MORC3: variants seen among roughly 807,000 people sequenced by gnomAD.
MORC3 encodes the protein MORC family CW-type zinc finger protein 3.
MORC3 carries 31 observed loss-of-function variants against 109.1 expected under a neutral mutation model. That is an observed-to-expected ratio of 0.28 (90% confidence interval 0.21 to 0.38). The LOEUF (loss-of-function observed/expected upper bound fraction) is 0.38. MORC3 is among the 10% of genes least tolerant of loss of function. The pLI is 1.00. For missense variants in MORC3, 867 were observed against 1,135.8 expected (o/e 0.76, Z 3.40); for synonymous variants, 395 against 380.7 (o/e 1.04, Z -0.44).
At position 36,350,805 on chromosome 21, in the gene MORC3, AT is replaced by A. The variant is rs549055439; in HGVS notation, c.1103+1400del. 1.6e-4 allele frequency among the ~76,000 whole-genome samples: 24 copies of A among 152,256 alleles called. No homozygotes were observed. The East Asian group carries it at 2.7e-3, about 17-fold the overall frequency. On this transcript the variant is annotated intron_variant, in intron 9 of 16. Coordinates refer to ENST00000400485, the MANE Select transcript of MORC3 (RefSeq NM_015358.3). ...AACTTCCCACATACTAAATTCAGAC[AT>A]TTAAGGAAGAAGTGGCATCAGTCTT...
At chr21:36,326,024 T>C (rs1392384433) in intron 1 of MORC3, among the ~76,000 whole-genome samples, 1 of 151,980 alleles carries the variant, frequency 6.6e-6, no homozygotes. Context: ...CTGGCCAACA[T>C]GGTGAAACCC....
rs2085382661 is a variant in MORC3, at chr21:36,337,098, G to C, written c.245+92G>C. 3 of 1,420,012 alleles carry C rather than the reference G, an allele frequency of 2.1e-6. No homozygotes were observed. The Admixed American group carries it at 6.1e-5, about 29-fold the overall frequency. The allele number at this position is 1,420,012 out of a possible 1,614,324, so 88.0% of individuals were successfully genotyped here. A position where few individuals can be genotyped will look rare whatever the true frequency, so the allele number is the denominator to read the frequency against. ...TTACTATTCTTGGTTTTTGTTTTTT[G>C]AAATGAAATGCTGTATGTACAGTGT... On this transcript the variant is annotated intron_variant, in intron 3 of 16. Transcript: ENST00000400485.
intron 1 of MORC3, among the ~76,000 whole-genome samples, chr21:36,326,565 A>G (rs1180182685): frequency 6.6e-6 from 1 of 152,164 alleles, no homozygotes; most frequent in Non-Finnish European, 1.5e-5. Context: ...TGCCTTATTT[A>G]TAAGTTGAAC....
intron 6 of MORC3, 72 bp from the exon 7 acceptor site, chr21:36,344,507 C>G: frequency 6.7e-7 from 1 of 1,489,728 alleles, no homozygotes; most frequent in Non-Finnish European, 9.1e-7. Flanking sequence ...AGGAGAGCTT[C>G]TGTGTAAATC....
intron 1 of MORC3, among the ~76,000 whole-genome samples, chr21:36,323,957 C>T (rs2085220560): frequency 6.6e-6 from 1 of 151,532 alleles, no homozygotes; most frequent in African/African-American, 2.4e-5. Flanking sequence ...CTCACCGCAA[C>T]CCCTGCCTCC....
chr21:36,370,633 A>ATTTTTTTTTTTTT (rs2085848041), intron 15 of MORC3, among the ~76,000 whole-genome samples: 1 of 46,488 alleles, frequency 2.2e-5, no homozygotes, highest in Non-Finnish European at 3.8e-5. Context: ...ATATATATAT[A>ATTTTTTTTTTTTT]TATATATTTT....
At chr21:36,331,915 G>A (rs1003638130) in intron 1 of MORC3, among the ~76,000 whole-genome samples, 25 of 152,130 alleles carry the variant, frequency 1.6e-4, no homozygotes, top group Non-Finnish European at 3.2e-4. Flanking sequence ...CAATGTGGGA[G>A]GATCACTTGA....
intron 1 of MORC3, among the ~76,000 whole-genome samples, chr21:36,333,047 A>G (rs1262525703): frequency 2.6e-5 from 4 of 152,106 alleles, no homozygotes; most frequent in Non-Finnish European, 5.9e-5. Flanking sequence ...TCGGCCTCCC[A>G]AAGTGGTGGG....
At chr21:36,360,128 A>C in intron 11 of MORC3, 51 bp downstream of exon 11, 1 of 1,614,128 alleles carries the variant, frequency 6.2e-7, no homozygotes, top group East Asian at 2.2e-5. Context: ...AGTACTGTTC[A>C]CAGTGTATGA....
chr21:36,371,717 TTAATTA>T (rs2085869926), intron 15 of MORC3, among the ~76,000 whole-genome samples: 1 of 152,134 alleles, frequency 6.6e-6, no homozygotes, highest in Non-Finnish European at 1.5e-5. Context: ...TTATTGTAAC[TTAATTA>T]TAAGCTGATG....
intron 9 of MORC3, 81 bp downstream of exon 9, chr21:36,349,489 G>C: frequency 2.3e-6 from 2 of 862,192 alleles, no homozygotes; most frequent in Non-Finnish European, 3.5e-6. Flanking sequence ...TATTTTCTGT[G>C]AATCTCAGAA....
In MORC3 at chr21:36,375,134, T is replaced by A; in HGVS notation, c.2667-9T>A. ...GCTCATCTAATAAGTTACATATTTG[T>A]ATTTGCAGCCTCAAACTCCGATCTC... is the stretch of plus-strand genomic sequence containing the variant. On this transcript the variant is annotated splice_polypyrimidine_tract_variant and intron_variant, in intron 16 of 16. Transcript: ENST00000400485. 1.2e-6 allele frequency: 2 copies of A among 1,607,572 alleles called. No individual in the cohort carries two copies. The highest frequency in any genetic ancestry group is 1.7e-6 in the Non-Finnish European group (2 of 1,177,424).
In MORC3 at chr21:36,364,268, C is replaced by T; in HGVS notation, c.1619+9C>T. 6.2e-7 allele frequency: 1 copy of T among 1,611,128 alleles called. No individual in the cohort carries two copies. The highest frequency in any genetic ancestry group is 8.5e-7 in the Non-Finnish European group (1 of 1,179,162). ...GAACCTGAGAGCAACAGGTCAGTGG[C>T]TAAGATTGGTTTTCCATTTGGGGAA... On this transcript the variant is annotated intron_variant, in intron 14 of 16. Coordinates refer to ENST00000400485, the MANE Select transcript of MORC3 (RefSeq NM_015358.3).
In MORC3 at chr21:36,366,734, C is replaced by T. The variant is rs181659061; in HGVS notation, c.1620-2254C>T. ...CCTCCCAAAGTGCTGGGATTACAGG[C>T]GTGAGCCACTTTGCCCGGCCTATTA... On this transcript the variant is annotated intron_variant, in intron 14 of 16. Coordinates refer to ENST00000400485, the MANE Select transcript of MORC3 (RefSeq NM_015358.3). 3.2e-3 allele frequency among the ~76,000 whole-genome samples: 482 copies of T among 152,238 alleles called. 2 individuals carry two copies. The highest frequency in any genetic ancestry group is 0.013 in the Admixed American group (196 of 15,262).
At chr21:36,362,320 A>G in intron 13 of MORC3, 92 bp downstream of exon 13, 1 of 1,379,084 alleles carries the variant, frequency 7.3e-7, no homozygotes, top group East Asian at 2.5e-5. Flanking sequence ...AGGCAGGTGG[A>G]TCACCTGAGG....
chr21:36,341,500 A>C lies in MORC3; in HGVS notation c.710A>C (p.Gln237Pro). 6.2e-7 allele frequency: 1 copy of C among 1,614,132 alleles called. No individual in the cohort carries two copies. ...ACAGGGAAGAAGGGGTACAAGAAGC[A>C]GGAAAGGATGGACCAGATTGCCCCT... ...EITGKKGYKK[Q>P]ERMDQIAPES... is the part of the protein sequence containing the mutation. The change falls in exon 6 of 17, where the codon CAG (glutamine) becomes CCG (proline). Residue 237 changes from glutamine (Q) to proline (P), a missense_variant. Physicochemically the swap from Gln to Pro is moderately conservative, Grantham distance 76 (BLOSUM62 -1). Around this residue, in one of 7 missense-constraint regions of MORC3, gnomAD observed 134 missense variants for 166.6 expected, o/e 0.80. Coordinates refer to ENST00000400485, the MANE Select transcript of MORC3 (RefSeq NM_015358.3).
intron 1 of MORC3, 45 bp from the exon 2 acceptor site, chr21:36,333,601 A>G (rs1323547369): frequency 5.4e-6 from 8 of 1,494,734 alleles, no homozygotes; most frequent in Non-Finnish European, 7.4e-6. Flanking sequence ...TTATTTTCAA[A>G]AGTAAGACCT....
At chr21:36,327,155 C>CTTTTTTTTTTTTT (rs71326674) in intron 1 of MORC3, among the ~76,000 whole-genome samples, 2 of 81,952 alleles carry the variant, frequency 2.4e-5, no homozygotes, top group African/African-American at 1.1e-4. Flanking sequence ...GGCTTTATTT[C>CTTTTTTTTTTTTT]TTTTTTTTTT....
rs2085446282 is a variant in MORC3, at chr21:36,341,561, C to T, written c.756+15C>T. On this transcript the variant is annotated intron_variant, in intron 6 of 16. Transcript: ENST00000400485. The stretch of plus-strand genomic sequence containing the variant: ...ATTCCCTGAGGGTATGTATTCAGCT[C>T]TCTTTGTGGAAGTGAGAAAATCATT... 1 of 1,613,484 alleles carries T rather than the reference C, an allele frequency of 6.2e-7. No individual in the cohort carries two copies. Among genetic ancestry groups the T allele is most frequent in the East Asian group, 2.2e-5 (1 of 44,868 alleles).
Sources: gnomAD v4.1 joint callset for allele counts (sites outside exome capture counted in the v4.1 genomes callset) on GRCh38, gnomAD v4.1.1 for gene constraint, gnomAD v4.1.1 regional missense constraint, MANE v1.5 for transcripts, NCBI Gene and HGNC (gene_info 2026-07-23, HGNC 2026-07-21) for gene names.